FARS2: variants seen among roughly 807,000 people sequenced by gnomAD.
The protein encoded by FARS2 is phenylalanine--tRNA ligase, mitochondrial.
FARS2 carries 40 observed loss-of-function variants against 46.4 expected under a neutral mutation model. That is an observed-to-expected ratio of 0.86 (90% confidence interval 0.67 to 1.12). The LOEUF is 1.12. FARS2 is among the 50% of genes most tolerant of loss of function. The probability of loss-of-function intolerance (pLI) is 0.00; values close to 1 mark genes in which losing one functional copy is unlikely to be tolerated. For missense variants in FARS2, 513 were observed against 567.9 expected (o/e 0.90, Z 0.98); for synonymous variants, 234 against 214.9 (o/e 1.09, Z -0.78).
chr6:5,745,241 G>C lies in FARS2; in HGVS notation c.1218-26050G>C, dbSNP rs541001661. 7.2e-5 allele frequency among the ~76,000 whole-genome samples: 11 copies of C among 152,392 alleles called. 1 individual carries two copies. In the South Asian group the frequency reaches 1.0e-3, roughly 14 times the overall value. On this transcript the variant is annotated intron_variant, in intron 6 of 6. Coordinates refer to ENST00000274680, the MANE Select transcript of FARS2 (RefSeq NM_006567.5). ...GTGATTTCTTGGAAATCCAAAGTTA[G>C]AGAGTGGTTTCCAAGGCCATTAGGA...
chr6:5,528,823 T>A (rs1343196820), intron 4 of FARS2, among the ~76,000 whole-genome samples: 6 of 152,192 alleles, frequency 3.9e-5, no homozygotes, highest in Non-Finnish European at 8.8e-5. Context: ...CTGTTCCTGC[T>A]TTCCTCCTGA....
chr6:5,431,679 C>T (rs1247529647), intron 4 of FARS2: 1 of 533,084 alleles, frequency 1.9e-6, no homozygotes, highest in South Asian at 1.4e-5. Context: ...GCGGCGCCAC[C>T]TGACTGAGAG....
chr6:5,385,384 G>A (rs1162430505), intron 2 of FARS2, among the ~76,000 whole-genome samples: 2 of 151,958 alleles, frequency 1.3e-5, no homozygotes, highest in Non-Finnish European at 2.9e-5. Flanking sequence ...TGCTGCATTT[G>A]GGGGAGATGA....
intron 6 of FARS2, among the ~76,000 whole-genome samples, chr6:5,717,933 T>TATATACATACATACATAC (rs1554128879): frequency 2.3e-5 from 3 of 128,232 alleles, no homozygotes; most frequent in African/African-American, 1.2e-4. Context: ...TATATATATA[T>TATATACATACATACATAC]ATACAGAGTC....
At chr6:5,594,047 C>G (rs1049288462) in intron 5 of FARS2, among the ~76,000 whole-genome samples, 3 of 152,138 alleles carry the variant, frequency 2.0e-5, no homozygotes, top group African/African-American at 7.2e-5. Context: ...GGTCCCTCAC[C>G]TAGTTGGGAG....
chr6:5,474,161 A>C (rs565431192), intron 4 of FARS2, among the ~76,000 whole-genome samples: 7 of 152,194 alleles, frequency 4.6e-5, no homozygotes, highest in Non-Finnish European at 8.8e-5. Flanking sequence ...CGTTATCTCC[A>C]ATGGCACATG....
At chr6:5,546,974 C>T (rs200565027) in intron 5 of FARS2, among the ~76,000 whole-genome samples, 30 of 149,310 alleles carry the variant, frequency 2.0e-4, no homozygotes, top group East Asian at 7.7e-4. Flanking sequence ...TATTTTGAGA[C>T]GGAGACTTGC....
chr6:5,281,123 T>C (rs1475261319), intron 1 of FARS2, among the ~76,000 whole-genome samples: 1 of 152,236 alleles, frequency 6.6e-6, no homozygotes, highest in Non-Finnish European at 1.5e-5. Flanking sequence ...TATGCAACTG[T>C]TGTCTTATGA....
At chr6:5,357,268 G>C (rs753261482) in intron 1 of FARS2, among the ~76,000 whole-genome samples, 6 of 152,126 alleles carry the variant, frequency 3.9e-5, no homozygotes, top group Non-Finnish European at 5.9e-5. Context: ...TCTTTTCTTA[G>C]CTAAACAGTG....
At chr6:5,410,441 C>T (rs1168601244) in intron 3 of FARS2, among the ~76,000 whole-genome samples, 3 of 152,118 alleles carry the variant, frequency 2.0e-5, no homozygotes, top group Non-Finnish European at 4.4e-5. Context: ...GGATTACAGG[C>T]GTGAGCCACT....
chr6:5,272,892 G>A (rs1282136513), intron 1 of FARS2, among the ~76,000 whole-genome samples: 2 of 152,086 alleles, frequency 1.3e-5, no homozygotes, highest in Admixed American at 6.6e-5. Context: ...TCCGACATAC[G>A]AGTAAGAACA....
At position 5,717,317 on chromosome 6, in the gene FARS2, G is replaced by A. The variant is rs116139624; in HGVS notation, c.1218-53974G>A. On this transcript the variant is annotated intron_variant, in intron 6 of 6. Transcript: ENST00000274680. ...GTAACAAAGGTCGTGGGAGTTATGAGCCAGGAACCGTGGATAGAAACATAG... is the reference window on the plus strand; with the variant it reads ...GTAACAAAGGTCGTGGGAGTTATGAACCAGGAACCGTGGATAGAAACATAG... Among the ~76,000 whole-genome samples, 968 of 152,024 alleles carry A rather than the reference G, an allele frequency of 6.4e-3. 5 individuals carry two copies. Among genetic ancestry groups the A allele is most frequent in the Non-Finnish European group, 8.3e-3 (567 of 67,990 alleles).
intron 4 of FARS2, among the ~76,000 whole-genome samples, chr6:5,503,497 T>C (rs995029674): frequency 2.6e-5 from 4 of 151,368 alleles, no homozygotes; most frequent in African/African-American, 7.3e-5. Flanking sequence ...CACTATACAT[T>C]TGTATATTAA....
intron 2 of FARS2, among the ~76,000 whole-genome samples, chr6:5,377,822 A>G (rs1759481298): frequency 6.6e-6 from 1 of 152,120 alleles, no homozygotes; most frequent in African/African-American, 2.4e-5. Context: ...TTATGAAGTG[A>G]TGGTGATAGT....
chr6:5,686,727 A>G (rs1302687789), intron 6 of FARS2, among the ~76,000 whole-genome samples: 3 of 152,244 alleles, frequency 2.0e-5, no homozygotes, highest in Non-Finnish European at 4.4e-5. Context: ...CAGTAATGGG[A>G]TGGCTGGGTC....
At chr6:5,426,967 T>C (rs909725005) in intron 3 of FARS2, among the ~76,000 whole-genome samples, 24 of 152,284 alleles carry the variant, frequency 1.6e-4, no homozygotes, top group Admixed American at 1.6e-3. Flanking sequence ...TGTAAGAAAA[T>C]ATGGTATATT....
chr6:5,407,413 A>C (rs1761677577), intron 3 of FARS2, among the ~76,000 whole-genome samples: 1 of 152,044 alleles, frequency 6.6e-6, no homozygotes, highest in Non-Finnish European at 1.5e-5. Flanking sequence ...GTTTTTTAGA[A>C]TATCTTGACT....
At chr6:5,609,234 C>T (rs980077621) in intron 5 of FARS2, 6 of 1,199,962 alleles carry the variant, frequency 5.0e-6, no homozygotes, top group Admixed American at 3.4e-5. Flanking sequence ...TAATTAAAAT[C>T]TTCTGCCACT....
intron 6 of FARS2, among the ~76,000 whole-genome samples, chr6:5,672,426 G>A (rs796231440): frequency 2.0e-5 from 3 of 152,260 alleles, no homozygotes; most frequent in Admixed American, 6.5e-5. Context: ...GTTGGGTCCA[G>A]ACTCTTCTGA....
Sources: allele counts gnomAD v4.1 joint callset (sites outside exome capture counted in the v4.1 genomes callset), GRCh38; gene constraint gnomAD v4.1.1; transcripts MANE v1.5; gene names NCBI Gene and HGNC (gene_info 2026-07-23, HGNC 2026-07-21).